ADGRL3: variants seen among roughly 807,000 people sequenced by gnomAD.
ADGRL3 encodes the protein adhesion G protein-coupled receptor L3.
Under a neutral mutation model 153.5 loss-of-function variants are expected in ADGRL3, and 62 were observed. The ratio of observed to expected loss-of-function variants is 0.40; its 90% confidence interval spans 0.33 to 0.50. ADGRL3 has a LOEUF of 0.50. Ranked by LOEUF, ADGRL3 falls within the 20% of genes least tolerant of loss-of-function variation. The pLI is 0.47. For missense variants in ADGRL3, 1,641 were observed against 1,859.4 expected, an observed-to-expected ratio of 0.88 and a Z score of 2.16; for synonymous variants, 710 against 672.5, an observed-to-expected ratio of 1.06 and a Z score of -0.86.
At chr4:61,808,060 G>A (rs1358370824) in intron 8 of ADGRL3, among the ~76,000 whole-genome samples, 5 of 152,058 alleles carry the variant, frequency 3.3e-5, no homozygotes, top group Admixed American at 2.0e-4. Flanking sequence ...ACTATGACAT[G>A]CTCTTCCCTC....
chr4:61,947,179 G>T, intron 16 of ADGRL3, 57 bp downstream of exon 16: 4 of 1,290,204 alleles, frequency 3.1e-6, no homozygotes, highest in Non-Finnish European at 4.5e-6. Flanking sequence ...TTATAACACT[G>T]AACATTAAGT....
At chr4:61,493,975 A>T (rs2098284206) in intron 2 of ADGRL3, among the ~76,000 whole-genome samples, 1 of 152,112 alleles carries the variant, frequency 6.6e-6, no homozygotes, top group Admixed American at 6.5e-5. Context: ...GGATAATTAC[A>T]TTAGGAAATT....
At chr4:61,213,450 A>G (rs1305818627) in intron 1 of ADGRL3, among the ~76,000 whole-genome samples, 1 of 149,978 alleles carries the variant, frequency 6.7e-6, no homozygotes, top group Non-Finnish European at 1.5e-5. Flanking sequence ...TCTGAAGATC[A>G]TATTTAAATT....
intron 21 of ADGRL3, among the ~76,000 whole-genome samples, chr4:62,017,440 G>GTTT (rs762736392): frequency 7.1e-6 from 1 of 141,736 alleles, no homozygotes. Context: ...TTACTTGGGA[G>GTTT]TTTTTTTTTT....
At chr4:61,598,742 GA>G (rs1436410388) in intron 5 of ADGRL3, among the ~76,000 whole-genome samples, 2 of 152,040 alleles carry the variant, frequency 1.3e-5, no homozygotes, top group Admixed American at 1.3e-4. Context: ...TTAATTTCAT[GA>G]AAAAATGTTA....
intron 9 of ADGRL3, among the ~76,000 whole-genome samples, chr4:61,821,052 T>G (rs2097750124): frequency 6.6e-6 from 1 of 152,136 alleles, no homozygotes; most frequent in South Asian, 2.1e-4. Context: ...ACTTTGTTGT[T>G]TTTATTTTGT....
At chr4:61,280,880 A>C (rs11131319) in intron 1 of ADGRL3, among the ~76,000 whole-genome samples, 123,345 of 151,918 alleles carry the variant, frequency 0.81, 50,316 homozygotes, top group Admixed American at 0.87. Flanking sequence ...CACTCACTGA[A>C]CTGGAAAATA....
chr4:61,901,126 C>G (rs2063682036), intron 11 of ADGRL3, among the ~76,000 whole-genome samples: 1 of 152,112 alleles, frequency 6.6e-6, no homozygotes, highest in Admixed American at 6.6e-5. Context: ...AAAGAGAAGT[C>G]AGCTTCCTAC....
At chr4:61,431,628 T>G (rs2097356825) in intron 2 of ADGRL3, among the ~76,000 whole-genome samples, 1 of 152,182 alleles carries the variant, frequency 6.6e-6, no homozygotes, top group Non-Finnish European at 1.5e-5. Flanking sequence ...AACAAATTTC[T>G]GGTTGTGATG....
At chr4:61,873,549 T>C (rs537996224) in intron 9 of ADGRL3, among the ~76,000 whole-genome samples, 1 of 152,332 alleles carries the variant, frequency 6.6e-6, no homozygotes, top group South Asian at 2.1e-4. Context: ...GCATAATCTG[T>C]ATTTCTGAAA....
At chr4:61,689,898 G>A (rs1013982497) in intron 6 of ADGRL3, among the ~76,000 whole-genome samples, 7 of 152,002 alleles carry the variant, frequency 4.6e-5, no homozygotes, top group South Asian at 2.1e-4. Flanking sequence ...TTATAAACTC[G>A]TTTCAAAATT....
intron 2 of ADGRL3, among the ~76,000 whole-genome samples, chr4:61,396,499 G>T (rs2096870239): frequency 2.0e-5 from 3 of 151,904 alleles, no homozygotes; most frequent in African/African-American, 7.2e-5. Flanking sequence ...ATTCTTACTT[G>T]GTTTACATTG....
intron 1 of ADGRL3, among the ~76,000 whole-genome samples, chr4:61,331,419 AT>A (rs1008751193): frequency 2.6e-5 from 4 of 152,152 alleles, no homozygotes; most frequent in African/African-American, 7.2e-5. Context: ...ATTATGACCA[AT>A]TTTGGTTCAA....
chr4:61,837,031 T>G (rs753878788), intron 9 of ADGRL3, among the ~76,000 whole-genome samples: 1 of 152,094 alleles, frequency 6.6e-6, no homozygotes, highest in Non-Finnish European at 1.5e-5. Flanking sequence ...CTTTTGAAAA[T>G]TTGACAAGAT....
rs572893547 is a variant in ADGRL3, at chr4:61,580,161, TATGTAAGAAACTCTTTTAGAATC to T, written c.260-7063_260-7041del. Among the ~76,000 whole-genome samples the T allele has an allele frequency of 1.0e-2, 1,516 of 152,252 alleles. 12 individuals carry two copies. Among genetic ancestry groups the T allele is most frequent in the Middle Eastern group, 0.017 (5 of 294 alleles). On this transcript the variant is annotated intron_variant, in intron 4 of 26. Coordinates refer to ENST00000683033, the MANE Select transcript of ADGRL3 (RefSeq NM_001387552.1). ...AAGTAGAATCATGTCCACTTTCAGA[TATGTAAGAAACTCTTTTAGAATC>T]ATTAGCCTTGACTTACAAATAGTTT...
intron 18 of ADGRL3, among the ~76,000 whole-genome samples, chr4:61,981,340 T>C (rs1313113412): frequency 6.6e-6 from 1 of 152,150 alleles, no homozygotes; most frequent in Non-Finnish European, 1.5e-5. Flanking sequence ...AGGTCTAAAA[T>C]GGGTTTTTCT....
intron 2 of ADGRL3, among the ~76,000 whole-genome samples, chr4:61,432,655 T>TCTTTC (rs778203485): frequency 0.16 from 9,275 of 58,716 alleles, 2,235 homozygotes; most frequent in Middle Eastern, 0.32. Flanking sequence ...TCTTTCTTTC[T>TCTTTC]TTTTTTTTTT....
intron 4 of ADGRL3, among the ~76,000 whole-genome samples, chr4:61,569,089 G>T (rs1468209671): frequency 6.6e-6 from 1 of 152,020 alleles, no homozygotes; most frequent in Admixed American, 6.6e-5. Flanking sequence ...TGGGAGTGGG[G>T]CCGGAGATTT....
chr4:61,468,283 A>G (rs955746890), intron 2 of ADGRL3, among the ~76,000 whole-genome samples: 1 of 152,160 alleles, frequency 6.6e-6, no homozygotes, highest in Non-Finnish European at 1.5e-5. Context: ...ATGCTTTACT[A>G]CTAGGCTTAT....
Sources: gnomAD v4.1 joint callset for allele counts (sites outside exome capture counted in the v4.1 genomes callset) on GRCh38, gnomAD v4.1.1 for gene constraint, MANE v1.5 for transcripts, NCBI Gene and HGNC (gene_info 2026-07-23, HGNC 2026-07-21) for gene names.